ARPP21: variants seen among roughly 807,000 people sequenced by gnomAD.
ARPP21 encodes the protein cAMP regulated phosphoprotein 21.
In ARPP21, 69 loss-of-function variants were observed where a neutral mutation model predicts 113.2. The observed-to-expected ratio is 0.61, with a 90% CI of 0.50 to 0.74. The LOEUF (loss-of-function observed/expected upper bound fraction) is 0.74. ARPP21 is among the 30% of genes least tolerant of loss of function. ARPP21 has a pLI of 0.00. For missense variants in ARPP21, 1,070 were observed against 1,037.4 expected (o/e 1.03, Z -0.43); for synonymous variants, 368 against 375.5 (o/e 0.98, Z 0.23).
At chr3:35,760,115 A>G (rs770789465) in intron 19 of ARPP21, among the ~76,000 whole-genome samples, 3 of 152,082 alleles carry the variant, frequency 2.0e-5, no homozygotes, top group Non-Finnish European at 4.4e-5. Context: ...TAAAAATGAC[A>G]TGCCAGGGTT....
intron 19 of ARPP21, among the ~76,000 whole-genome samples, chr3:35,749,108 C>T (rs1459226800): frequency 1.3e-5 from 2 of 152,110 alleles, no homozygotes; most frequent in Non-Finnish European, 2.9e-5. Flanking sequence ...AACCAGCATG[C>T]CCATGTTATA....
At chr3:35,754,619 T>C (rs543751260) in intron 19 of ARPP21, among the ~76,000 whole-genome samples, 2 of 152,120 alleles carry the variant, frequency 1.3e-5, no homozygotes, top group East Asian at 3.9e-4. Flanking sequence ...AAAATTAACA[T>C]TATTAAGAGA....
intron 1 of ARPP21, chr3:35,652,043 C>G (rs1291045535): frequency 6.6e-6 from 1 of 152,012 alleles, no homozygotes; most frequent in Non-Finnish European, 1.5e-5. Context: ...CTTTTATAAG[C>G]TTGGATGGGC....
intron 1 of ARPP21, among the ~76,000 whole-genome samples, chr3:35,667,962 A>T (rs73825897): frequency 1.2e-5 from 1 of 84,164 alleles, no homozygotes. Flanking sequence ...AAGAAGAAGA[A>T]GAAGAAGAAG....
chr3:35,764,073 GA>G (rs201755621), intron 19 of ARPP21, among the ~76,000 whole-genome samples: 2,116 of 149,818 alleles, frequency 0.014, 22 homozygotes, highest in African/African-American at 0.031. Context: ...TGGCTACAAT[GA>G]AAAAAAAAGT....
chr3:35,750,810 G>A (rs1256119621), intron 19 of ARPP21, among the ~76,000 whole-genome samples: 1 of 152,094 alleles, frequency 6.6e-6, no homozygotes, highest in African/African-American at 2.4e-5. Flanking sequence ...AATTGAATAA[G>A]AAATGTTTTA....
intron 19 of ARPP21, among the ~76,000 whole-genome samples, chr3:35,768,250 C>T (rs1269847182): frequency 2.0e-5 from 3 of 151,870 alleles, no homozygotes; most frequent in African/African-American, 7.3e-5. Flanking sequence ...CCTCTTTTCC[C>T]CAGACCCTCA....
intron 11 of ARPP21, among the ~76,000 whole-genome samples, chr3:35,713,950 C>A (rs1158246246): frequency 6.6e-6 from 1 of 152,134 alleles, no homozygotes; most frequent in Non-Finnish European, 1.5e-5. Flanking sequence ...ACCTCGCTTT[C>A]TTTTACATAC....
At chr3:35,688,398 A>C (rs995083650) in intron 6 of ARPP21, among the ~76,000 whole-genome samples, 1 of 151,550 alleles carries the variant, frequency 6.6e-6, no homozygotes, top group African/African-American at 2.4e-5. Context: ...ATCTACTATC[A>C]AGTAATGTTT....
At chr3:35,645,325 T>C (rs1575372080) in intron 1 of ARPP21, among the ~76,000 whole-genome samples, 1 of 151,976 alleles carries the variant, frequency 6.6e-6, no homozygotes, top group East Asian at 1.9e-4. Flanking sequence ...CTGTAAACAT[T>C]GGTTTTAAGA....
chr3:35,645,392 G>T (rs1244311051), intron 1 of ARPP21, among the ~76,000 whole-genome samples: 2 of 151,748 alleles, frequency 1.3e-5, no homozygotes, highest in Non-Finnish European at 3.0e-5. Context: ...TTTTTCACAA[G>T]AAAACAATTA....
intron 1 of ARPP21, among the ~76,000 whole-genome samples, chr3:35,678,245 T>C (rs556133439): frequency 6.6e-6 from 1 of 152,004 alleles, no homozygotes; most frequent in Non-Finnish European, 1.5e-5. Flanking sequence ...ACTGTACAAA[T>C]ATGAGGGTCT....
chr3:35,792,498 A>T lies in ARPP21; in HGVS notation c.2254A>T (p.Met752Leu). The T allele has an allele frequency of 6.2e-7, 1 of 1,614,118 alleles. No homozygotes were observed. The highest frequency in any genetic ancestry group is 8.5e-7 in the Non-Finnish European group (1 of 1,179,976). The change falls in exon 20 of 21, where the codon ATG (methionine) becomes TTG (leucine). Residue 752 changes from methionine to leucine, a missense_variant. Physicochemically the swap from Met to Leu is conservative, Grantham distance 15. Transcript: ENST00000684406. ...ACAAGGAACTCCGGTGCAAAGCGTG[A>T]TGGTTTCCTACCCAACAATGTCTTC... Reference protein sequence around the residue: ...NQQGTPVQSVMVSYPTMSSYQ... With the variant: ...NQQGTPVQSVLVSYPTMSSYQ...
At chr3:35,643,446 A>G (rs1488568311) in intron 1 of ARPP21, among the ~76,000 whole-genome samples, 1 of 152,078 alleles carries the variant, frequency 6.6e-6, no homozygotes, top group African/African-American at 2.4e-5. Flanking sequence ...GACAATTCAC[A>G]CTGGCTAAAG....
intron 1 of ARPP21, among the ~76,000 whole-genome samples, chr3:35,663,654 AG>A (rs1708848908): frequency 6.6e-6 from 1 of 152,150 alleles, no homozygotes; most frequent in Admixed American, 6.5e-5. Context: ...GTTTGAAGGT[AG>A]GAACATCTCT....
At chr3:35,691,727 T>A (rs1379971906) in intron 9 of ARPP21, among the ~76,000 whole-genome samples, 3 of 151,606 alleles carry the variant, frequency 2.0e-5, no homozygotes, top group Admixed American at 6.6e-5. Flanking sequence ...CTTGGAGCTG[T>A]TTTTCTTGAA....
Position 35,792,407 on chromosome 3 carries a change from A to T in ARPP21, c.2163A>T (p.Gln721His), listed in dbSNP as rs200852825. 6.2e-7 allele frequency: 1 copy of T among 1,614,066 alleles called. No individual in the cohort carries two copies. The highest frequency in any genetic ancestry group is 8.5e-7 in the Non-Finnish European group (1 of 1,179,912). Residue 721 changes from glutamine (Q) to histidine (H), a missense_variant, in exon 20 of 21, where the codon CAA (glutamine) becomes CAT (histidine). Transcript: ENST00000684406. ...GTTACCAGCCAGTCTTGTCTGGTCA[A>T]CAGGGATTCCAAGGCCTAATAGGAG... ...QAGYQPVLSG[Q>H]QGFQGLIGVQ... is the part of the protein sequence containing the mutation.
intron 19 of ARPP21, among the ~76,000 whole-genome samples, chr3:35,761,899 G>A (rs185940209): frequency 9.2e-5 from 14 of 152,114 alleles, no homozygotes; most frequent in African/African-American, 1.9e-4. Flanking sequence ...CTACTAGGAC[G>A]GCACACATTC....
At chr3:35,658,958 A>G (rs750103175) in intron 1 of ARPP21, among the ~76,000 whole-genome samples, 38 of 152,088 alleles carry the variant, frequency 2.5e-4, no homozygotes, top group Non-Finnish European at 5.1e-4. Flanking sequence ...TGTTTGTTTT[A>G]ACTAAGATGC....
Sources: allele counts gnomAD v4.1 joint callset (sites outside exome capture counted in the v4.1 genomes callset), GRCh38; gene constraint gnomAD v4.1.1; transcripts MANE v1.5; gene names NCBI Gene and HGNC (gene_info 2026-07-23, HGNC 2026-07-21).